The following SLIT1 variants were observed in gnomAD, a reference collection of about 807,000 sequenced individuals.
SLIT1 encodes slit homolog 1 protein.
A neutral mutation model predicts 186.1 loss-of-function variants in SLIT1; 66 were observed. That is an observed-to-expected ratio of 0.35 (90% confidence interval 0.29 to 0.44). The LOEUF (loss-of-function observed/expected upper bound fraction) is 0.44, where lower values mean the gene tolerates loss of function less well. Among genes scored for constraint, SLIT1 ranks in the 20% least tolerant of loss-of-function variants. The probability of loss-of-function intolerance (pLI) is 1.00; values close to 1 mark genes in which losing one functional copy is unlikely to be tolerated. For synonymous variants in SLIT1, 761 were observed against 833.8 expected (o/e 0.91, Z 1.50); for missense variants, 1,638 against 2,037.4 (o/e 0.80, Z 3.77).
intron 31 of SLIT1, among the ~76,000 whole-genome samples, chr10:97,008,211 A>G (rs1848378396): frequency 6.6e-6 from 1 of 152,276 alleles, no homozygotes; most frequent in Non-Finnish European, 1.5e-5. Context: ...CACAAAAATC[A>G]AACAAAAAAT....
chr10:97,179,809 C>A (rs1343406319), intron 1 of SLIT1, among the ~76,000 whole-genome samples: 1 of 151,030 alleles, frequency 6.6e-6, no homozygotes, highest in Non-Finnish European at 1.5e-5. Context: ...CTCCCCGCCC[C>A]CCGGCACAGC....
Position 97,063,700 on chromosome 10 carries a change from G to T in SLIT1, c.630-82C>A, listed in dbSNP as rs1589379717. 4 of 1,420,962 alleles carry T rather than the reference G, an allele frequency of 2.8e-6. No homozygotes were observed. In the Middle Eastern group the frequency reaches 6.1e-4, roughly 217 times the overall value. The allele number at this position is 1,420,962 out of a possible 1,614,324, so 88.0% of individuals were successfully genotyped here. A position where few individuals can be genotyped will look rare whatever the true frequency, so the allele number is the denominator to read the frequency against. On this transcript the variant is annotated intron_variant, in intron 7 of 36. Transcript: ENST00000266058. ...GTGGGAACCCCAATCTCAGGCAGGA[G>T]GCTGCCCCCGGTGCTGTGTTCAAGC...
chr10:97,162,803 A>G (rs1850047253), intron 3 of SLIT1, among the ~76,000 whole-genome samples: 1 of 151,918 alleles, frequency 6.6e-6, no homozygotes, highest in Admixed American at 6.6e-5. Flanking sequence ...ATGAGTGCCC[A>G]TCCCCCACCT....
At chr10:97,183,774 C>T (rs1448625671) in intron 1 of SLIT1, among the ~76,000 whole-genome samples, 2 of 152,084 alleles carry the variant, frequency 1.3e-5, no homozygotes, top group African/African-American at 4.8e-5. Context: ...AGGCTGCAAC[C>T]AGGGTAGCAG....
rs374108509 is a variant in SLIT1, at chr10:97,004,017, C to T, written c.3865+51G>A. 8.9e-5 allele frequency: 136 copies of T among 1,520,490 alleles called. 1 individual carries two copies. Among genetic ancestry groups the T allele is most frequent in the Non-Finnish European group, 1.1e-4 (123 of 1,114,030 alleles). The allele number at this position is 1,520,490 out of a possible 1,614,324, so 94.2% of individuals were successfully genotyped here. ...AGTCCCTAGGCACCAGCTCTCCTGGCTGGCCTCAGGCCAGACAGCAAAAGA... is the reference window on the plus strand; with the variant it reads ...AGTCCCTAGGCACCAGCTCTCCTGGTTGGCCTCAGGCCAGACAGCAAAAGA... On this transcript the variant is annotated intron_variant, in intron 34 of 36. Transcript: ENST00000266058. The surrounding 1 kb of genome is among the most constrained non-coding windows in gnomAD (Gnocchi z 5.1).
chr10:97,180,296 C>T (rs111860575), intron 1 of SLIT1, among the ~76,000 whole-genome samples: 9 of 152,388 alleles, frequency 5.9e-5, no homozygotes, highest in African/African-American at 2.2e-4. Context: ...CAAAGCGCTC[C>T]TGCGAGCATT....
chr10:97,096,901 T>C (rs992302434), intron 4 of SLIT1, among the ~76,000 whole-genome samples: 1 of 152,220 alleles, frequency 6.6e-6, no homozygotes, highest in East Asian at 1.9e-4. Context: ...AAGCCCCTCC[T>C]GGGTGGCTTT....
intron 2 of SLIT1, 82 bp from the exon 3 acceptor site, chr10:97,163,533 G>C (rs1850060839): frequency 8.6e-7 from 1 of 1,163,318 alleles, no homozygotes; most frequent in South Asian, 1.2e-5. Flanking sequence ...GCGGGGCAGA[G>C]GCAACCTCTG....
intron 1 of SLIT1, among the ~76,000 whole-genome samples, chr10:97,180,293 C>T (rs754723037): frequency 1.3e-5 from 2 of 152,258 alleles, no homozygotes; most frequent in Non-Finnish European, 2.9e-5. Context: ...GTGCAAAGCG[C>T]TCCTGCGAGC....
At chr10:97,056,621 G>A (rs41284252) in intron 12 of SLIT1, among the ~76,000 whole-genome samples, 157 bp from the exon 13 acceptor site, 291 of 152,334 alleles carry the variant, frequency 1.9e-3, no homozygotes, top group Admixed American at 3.6e-3. Flanking sequence ...TCTGCCCCAC[G>A]GAGAGGGGCC....
At chr10:97,064,537 G>A (rs1848926067) in intron 6 of SLIT1, among the ~76,000 whole-genome samples, 1 of 152,168 alleles carries the variant, frequency 6.6e-6, no homozygotes, top group Admixed American at 6.5e-5. Flanking sequence ...AGAAAGGTGG[G>A]GTTTGGATAG....
chr10:97,145,380 T>C (rs1254557103), intron 4 of SLIT1, among the ~76,000 whole-genome samples: 1 of 152,130 alleles, frequency 6.6e-6, no homozygotes, highest in Non-Finnish European at 1.5e-5. Context: ...CCTCCCAAAG[T>C]GCTGGGATTA....
intron 34 of SLIT1, 116 bp from the exon 35 acceptor site, chr10:97,003,108 T>C: frequency 1.0e-6 from 1 of 990,564 alleles, no homozygotes; most frequent in Non-Finnish European, 1.5e-6. Flanking sequence ...CCTCTGTCCT[T>C]CATCTCTGCA....
intron 13 of SLIT1, 43 bp downstream of exon 13, chr10:97,056,278 C>T (rs753951991): frequency 1.9e-6 from 3 of 1,608,396 alleles, no homozygotes; most frequent in Admixed American, 3.3e-5. Flanking sequence ...CCCCCAGGCC[C>T]ACCTGCTGGG....
rs768051705 is a variant in SLIT1, at chr10:97,046,706, G to A, written c.1801C>T (p.Leu601=). The A allele has an allele frequency of 1.2e-5, 20 of 1,612,044 alleles. No homozygotes were observed. In the South Asian group the frequency reaches 2.0e-4, roughly 16 times the overall value. The change falls in exon 18 of 37, where the codon CTG becomes TTG. Residue 601 remains leucine, a synonymous_variant. Transcript: ENST00000266058. ...VSELHLTANQ[L]ESIRSGMFRG... ...AACATGCCGCTCCGGATGGACTCCA[G>A]CTGGTTGGCAGTTAGGTGCAGCTCG...
At chr10:97,130,431 G>A (rs538220708) in intron 4 of SLIT1, among the ~76,000 whole-genome samples, 1 of 152,352 alleles carries the variant, frequency 6.6e-6, no homozygotes, top group African/African-American at 2.4e-5. Flanking sequence ...CCTTAAAAAG[G>A]AAGGACATTC....
chr10:97,101,619 C>G (rs1011568087), intron 4 of SLIT1, among the ~76,000 whole-genome samples: 4 of 152,244 alleles, frequency 2.6e-5, no homozygotes, highest in Non-Finnish European at 4.4e-5. Flanking sequence ...TTGCAGTCAG[C>G]AGGTTATGGG....
chr10:97,085,552 T>C (rs1272252597), intron 4 of SLIT1, among the ~76,000 whole-genome samples: 1 of 151,996 alleles, frequency 6.6e-6, no homozygotes, highest in Non-Finnish European at 1.5e-5. Flanking sequence ...CACACCCAGC[T>C]AATTTTTGTA....
chr10:97,182,546 G>A (rs1051520216), intron 1 of SLIT1, among the ~76,000 whole-genome samples: 3 of 152,200 alleles, frequency 2.0e-5, no homozygotes, highest in Non-Finnish European at 4.4e-5. Context: ...GAGAACAGGC[G>A]GGCTCCCTGC....
Sources: allele counts gnomAD v4.1 joint callset (sites outside exome capture counted in the v4.1 genomes callset), GRCh38; gene constraint gnomAD v4.1.1; non-coding constraint Gnocchi (gnomAD v3.1); transcripts MANE v1.5; gene names NCBI Gene and HGNC (gene_info 2026-07-23, HGNC 2026-07-21).